Variants in ARHGEF18 observed in about 807,000 individuals in gnomAD.
ARHGEF18 encodes Rho/Rac guanine nucleotide exchange factor 18, also known as rho guanine nucleotide exchange factor 18.
In ARHGEF18, 93 loss-of-function variants were observed where a neutral mutation model predicts 155.7. That is an observed-to-expected ratio of 0.60 (90% CI 0.50 to 0.71). The LOEUF is 0.71. ARHGEF18 is among the 30% of genes least tolerant of loss of function. The probability of loss-of-function intolerance (pLI) is 0.00; values close to 1 mark genes in which losing one functional copy is unlikely to be tolerated. For missense variants in ARHGEF18, 1,593 were observed against 1,816.1 expected (o/e 0.88, Z 2.23); for synonymous variants, 742 against 753.1 (o/e 0.99, Z 0.24).
Position 7,349,497 on chromosome 19 carries a change from G to T in ARHGEF18, c.-111+256G>T, listed in dbSNP as rs531228220. On this transcript the variant is annotated intron_variant, in intron 1 of 28. Coordinates refer to ENST00000668164, the MANE Select transcript of ARHGEF18 (RefSeq NM_001367823.1). ...TGCTAGGTAAGAAAGGAGGGTGGAG[G>T]CCGGGCGCGGTGGCTCACACCTGTA... Among the ~76,000 whole-genome samples the T allele has an allele frequency of 2.6e-5, 4 of 152,210 alleles. No homozygotes were observed. In the South Asian group the frequency reaches 8.3e-4, roughly 32 times the overall value.
intron 1 of ARHGEF18, among the ~76,000 whole-genome samples, chr19:7,361,588 C>T (rs1173287065): frequency 3.3e-5 from 5 of 152,116 alleles, no homozygotes; most frequent in East Asian, 1.9e-4. Context: ...TTCATGGCAG[C>T]GTGATTTGAA....
chr19:7,433,943 TA>T (rs1974110031), intron 10 of ARHGEF18, among the ~76,000 whole-genome samples: 1 of 147,068 alleles, frequency 6.8e-6, no homozygotes. Flanking sequence ...CACTTGAACC[TA>T]GGAGGCGGAG....
intron 25 of ARHGEF18, 27 bp downstream of exon 25, chr19:7,467,145 C>A (rs1157323143): frequency 1.9e-6 from 3 of 1,584,932 alleles, no homozygotes; most frequent in East Asian, 2.3e-5. Flanking sequence ...GGGCCGGCCA[C>A]GCGTGCCCTT....
chr19:7,373,150 C>G, intron 3 of ARHGEF18, 79 bp downstream of exon 3: 1 of 1,231,620 alleles, frequency 8.1e-7, no homozygotes, highest in Non-Finnish European at 1.0e-6. Flanking sequence ...GAGCCAGGTC[C>G]TAAGACAAGC....
rs1223695765 is a variant in ARHGEF18 at position 7,458,562 on chromosome 19, G to A, written c.2232G>A (p.Val744=). 1.2e-6 allele frequency: 2 copies of A among 1,613,998 alleles called. No individual in the cohort carries two copies. The highest frequency in any genetic ancestry group is 2.2e-5 in the East Asian group (1 of 44,888). The change falls in exon 19 of 29, where the codon GTG becomes GTA. Residue 744 remains valine, a synonymous_variant. Coordinates refer to ENST00000668164, the MANE Select transcript of ARHGEF18 (RefSeq NM_001367823.1). The part of the protein sequence containing the change: ...ISLQKLIVRE[V]ANEEKAMFLI... ...TACAAAAGCTCATCGTGAGGGAAGT[G>A]GCCAACGAGGAGAAAGCGATGTTTC... is the stretch of plus-strand genomic sequence containing the variant.
intron 10 of ARHGEF18, among the ~76,000 whole-genome samples, chr19:7,401,448 G>C (rs1972015535): frequency 6.6e-6 from 1 of 152,112 alleles, no homozygotes; most frequent in South Asian, 2.1e-4. Flanking sequence ...ATCACGCCTG[G>C]CTAATTTTTT....
chr19:7,456,458 T>G, intron 18 of ARHGEF18, 55 bp downstream of exon 18: 1 of 1,536,014 alleles, frequency 6.5e-7, no homozygotes, highest in Non-Finnish European at 9.0e-7. Context: ...GGCTCACGTC[T>G]ATAATCCCAG....
chr19:7,362,300 GAGAAGGAGGA>G (rs1226940580), intron 1 of ARHGEF18, among the ~76,000 whole-genome samples: 1 of 150,624 alleles, frequency 6.6e-6, no homozygotes, highest in Non-Finnish European at 1.5e-5. Context: ...GAGGAAGAAG[GAGAAGGAGGA>G]AGAAGAAGGA....
Position 7,453,466 on chromosome 19 carries a change from G to C in ARHGEF18, c.1856-1G>C. ...GACGCTAACTCTGCTATGTGTGGCA[G>C]CTGGCACTGAGGACTATGAAGACCT... On this transcript the variant is annotated splice_acceptor_variant, in intron 16 of 28. Transcript: ENST00000668164. LOFTEE classifies it high-confidence loss of function. The C allele has an allele frequency of 6.3e-7, 1 of 1,589,990 alleles. No individual in the cohort carries two copies. Among genetic ancestry groups the C allele is most frequent in the Non-Finnish European group, 8.6e-7 (1 of 1,164,664 alleles).
At chr19:7,371,666 C>T (rs1970210409) in intron 2 of ARHGEF18, among the ~76,000 whole-genome samples, 1 of 151,940 alleles carries the variant, frequency 6.6e-6, no homozygotes, top group South Asian at 2.1e-4. Flanking sequence ...ACTAAAAATA[C>T]AAAAATTAGC....
chr19:7,369,927 C>T (rs777415273), intron 2 of ARHGEF18, among the ~76,000 whole-genome samples: 5 of 151,662 alleles, frequency 3.3e-5, no homozygotes, highest in Non-Finnish European at 7.4e-5. Context: ...TTGGGCGCAG[C>T]GGCTCACGCT....
chr19:7,417,653 C>T (rs1011168872), intron 10 of ARHGEF18, among the ~76,000 whole-genome samples: 9 of 152,134 alleles, frequency 5.9e-5, no homozygotes, highest in Non-Finnish European at 1.3e-4. Context: ...GCTGAGATCG[C>T]ACCATTGTAC....
intron 10 of ARHGEF18, among the ~76,000 whole-genome samples, chr19:7,407,476 T>C (rs1399837300): frequency 6.6e-6 from 1 of 151,980 alleles, no homozygotes; most frequent in African/African-American, 2.4e-5. Flanking sequence ...TGTGGCCTGT[T>C]TGCTCCCAGC....
intron 10 of ARHGEF18, among the ~76,000 whole-genome samples, chr19:7,408,951 T>A (rs1443207556): frequency 1.3e-5 from 2 of 152,040 alleles, no homozygotes; most frequent in Non-Finnish European, 2.9e-5. Context: ...TCCCAGCTAC[T>A]TGGGAGGCTG....
chr19:7,367,561 A>T (rs10425481), intron 2 of ARHGEF18, among the ~76,000 whole-genome samples: 15,383 of 149,458 alleles, frequency 0.1, 2,054 homozygotes, highest in African/African-American at 0.33. Flanking sequence ...AGTCTGGCCA[A>T]CATGGTAAAA....
rs1600465547 is a variant in ARHGEF18 at position 7,444,150 on chromosome 19, C to T, written c.1361-54C>T. ...AAGGGCAGGCAGCACCCACGACTGC[C>T]CAGCGGGGCCGTGGAGCCAGCATGG... On this transcript the variant is annotated intron_variant, in intron 13 of 28. Transcript: ENST00000668164. This position sits in a 1 kb window ranked among gnomAD's most constrained non-coding sequence, Gnocchi z 4.7. 2 of 1,592,444 alleles carry T rather than the reference C, an allele frequency of 1.3e-6. No individual in the cohort carries two copies. Among genetic ancestry groups the T allele is most frequent in the East Asian group, 4.5e-5 (2 of 44,538 alleles).
In ARHGEF18 at chr19:7,395,602, A is replaced by G. The variant is rs1162112365; in HGVS notation, c.967+12399A>G. Among the ~76,000 whole-genome samples the G allele has an allele frequency of 1.3e-5, 2 of 152,124 alleles. No individual in the cohort carries two copies. Among genetic ancestry groups the G allele is most frequent in the Non-Finnish European group, 1.5e-5 (1 of 68,008 alleles). ...GTTCAGGAGCGCCCGGGGCAGGACC[A>G]GGGATGGAATGGAACCCACCACAAT... is the stretch of plus-strand genomic sequence containing the variant. On this transcript the variant is annotated intron_variant, in intron 10 of 28. Coordinates refer to ENST00000668164, the MANE Select transcript of ARHGEF18 (RefSeq NM_001367823.1). The surrounding 1 kb of genome is among the most constrained non-coding windows in gnomAD (Gnocchi z 5.0).
chr19:7,384,333 G>C (rs1475310532), intron 10 of ARHGEF18, among the ~76,000 whole-genome samples: 3 of 152,114 alleles, frequency 2.0e-5, no homozygotes, highest in Non-Finnish European at 4.4e-5. Context: ...GTCTCCTGGG[G>C]GGCAGAATTT....
At chr19:7,404,869 C>A (rs923722125) in intron 10 of ARHGEF18, among the ~76,000 whole-genome samples, 1 of 152,066 alleles carries the variant, frequency 6.6e-6, no homozygotes, top group Admixed American at 6.6e-5. Flanking sequence ...CATTCTATAC[C>A]GTGATCCAAT....
Sources: gnomAD v4.1 joint callset for allele counts (sites outside exome capture counted in the v4.1 genomes callset) on GRCh38, gnomAD v4.1.1 for gene constraint, Gnocchi (gnomAD v3.1) non-coding constraint, MANE v1.5 for transcripts, NCBI Gene and HGNC (gene_info 2026-07-23, HGNC 2026-07-21) for gene names.